Variants in SMURF1 observed in about 807,000 individuals in gnomAD.
SMURF1 encodes the protein E3 ubiquitin-protein ligase SMURF1.
A neutral mutation model predicts 98.0 loss-of-function variants in SMURF1; 44 were observed. The observed-to-expected ratio is 0.45, with a 90% CI of 0.35 to 0.58. The LOEUF (loss-of-function observed/expected upper bound fraction) is 0.58, where lower values mean the gene tolerates loss of function less well. Ranked by LOEUF, SMURF1 falls within the 20% of genes least tolerant of loss-of-function variation. SMURF1 has a pLI of 0.00. For missense variants in SMURF1, 687 were observed against 938.4 expected (o/e 0.73, Z 3.50); for synonymous variants, 396 against 374.9 (o/e 1.06, Z -0.65).
intron 12 of SMURF1, among the ~76,000 whole-genome samples, chr7:99,041,843 G>A (rs937692253): frequency 4.6e-5 from 7 of 152,198 alleles, no homozygotes; most frequent in African/African-American, 1.7e-4. Flanking sequence ...TCACACCAGA[G>A]TTCCCTCAAA....
chr7:99,052,163 CAG>C (rs1362415052), intron 7 of SMURF1, 40 bp downstream of exon 7: 16 of 1,461,802 alleles, frequency 1.1e-5, no homozygotes, highest in Non-Finnish European at 1.4e-5. Context: ...CTCATGGAAA[CAG>C]GGCAGATGGC....
At position 99,029,133 on chromosome 7, in the gene SMURF1, A is replaced by G. The variant is rs551455061; in HGVS notation, c.*1451T>C. The G allele has an allele frequency of 6.5e-6, 1 of 152,864 alleles. No homozygotes were observed. Among genetic ancestry groups the G allele is most frequent in the African/African-American group, 2.4e-5 (1 of 41,602 alleles). The allele number at this position is 152,864 out of a possible 1,614,324, so 9.5% of individuals were successfully genotyped here. ...AAAAGAACAGATAAAACCATTGTCCACAAGGTCCTTCCCAGGCCATCTCAG... is the reference window on the plus strand; with the variant it reads ...AAAAGAACAGATAAAACCATTGTCCGCAAGGTCCTTCCCAGGCCATCTCAG... On this transcript the variant is annotated 3_prime_UTR_variant, in exon 18 of 18. Coordinates refer to ENST00000361368, the MANE Select transcript of SMURF1 (RefSeq NM_181349.3).
At chr7:99,055,077 G>A (rs541853041) in intron 5 of SMURF1, among the ~76,000 whole-genome samples, 1 of 152,294 alleles carries the variant, frequency 6.6e-6, no homozygotes, top group East Asian at 1.9e-4. Context: ...TAAATGTGGT[G>A]AAGAAAAGGG....
chr7:99,061,124 G>C (rs140961523), intron 2 of SMURF1, among the ~76,000 whole-genome samples: 1 of 152,304 alleles, frequency 6.6e-6, no homozygotes, highest in East Asian at 1.9e-4. Context: ...TATTAGATCA[G>C]ACAGGTGGCA....
chr7:99,133,223 C>T (rs1377052184), intron 1 of SMURF1, among the ~76,000 whole-genome samples: 1 of 152,022 alleles, frequency 6.6e-6, no homozygotes, highest in Non-Finnish European at 1.5e-5. Context: ...ATTATTTTGC[C>T]CTTACTTTTT....
intron 1 of SMURF1, among the ~76,000 whole-genome samples, chr7:99,127,192 T>C (rs1022165013): frequency 5.3e-5 from 8 of 152,168 alleles, no homozygotes; most frequent in Non-Finnish European, 7.3e-5. Context: ...AGCACAGGGA[T>C]AGTCATTGCA....
chr7:99,103,104 C>T (rs762468365), intron 1 of SMURF1, among the ~76,000 whole-genome samples: 2 of 152,082 alleles, frequency 1.3e-5, no homozygotes, highest in Non-Finnish European at 2.9e-5. Context: ...CACCCGGTTA[C>T]AATCAATTTT....
At chr7:99,128,845 T>G (rs1323948601) in intron 1 of SMURF1, among the ~76,000 whole-genome samples, 1 of 152,228 alleles carries the variant, frequency 6.6e-6, no homozygotes, top group East Asian at 1.9e-4. Flanking sequence ...TGTCTCATAT[T>G]TTTTCTAAAT....
intron 1 of SMURF1, among the ~76,000 whole-genome samples, chr7:99,143,120 G>A (rs1798169447): frequency 6.7e-6 from 1 of 148,704 alleles, no homozygotes; most frequent in Admixed American, 6.7e-5. Flanking sequence ...GGAGAAGCGA[G>A]GGGGCGGGGA....
intron 1 of SMURF1, among the ~76,000 whole-genome samples, chr7:99,096,296 A>T (rs188321810): frequency 4.6e-5 from 7 of 152,394 alleles, no homozygotes; most frequent in Non-Finnish European, 1.0e-4. Context: ...AAGGCTAGTT[A>T]GAACAGAACA....
intron 1 of SMURF1, among the ~76,000 whole-genome samples, chr7:99,125,896 C>T (rs1797733960): frequency 6.6e-6 from 1 of 152,244 alleles, no homozygotes; most frequent in Non-Finnish European, 1.5e-5. Flanking sequence ...AGTGTCCTCT[C>T]TTCCCTCTAC....
chr7:99,071,133 C>A (rs1484602269), intron 1 of SMURF1, among the ~76,000 whole-genome samples: 1 of 150,870 alleles, frequency 6.6e-6, no homozygotes, highest in African/African-American at 2.4e-5. Context: ...GATCTCAGCT[C>A]GTTGCAAACT....
intron 17 of SMURF1, 59 bp downstream of exon 17, chr7:99,032,978 G>T: frequency 6.7e-7 from 1 of 1,485,936 alleles, no homozygotes; most frequent in Non-Finnish European, 9.2e-7. Flanking sequence ...AAAAAAACGT[G>T]AACGTCAGCA....
At chr7:99,046,926 G>C (rs1191033121) in intron 10 of SMURF1, among the ~76,000 whole-genome samples, 4 of 152,110 alleles carry the variant, frequency 2.6e-5, no homozygotes, top group African/African-American at 4.8e-5. Context: ...CTCGCGGTGG[G>C]GAAGGCGCTC....
At chr7:99,091,996 T>C (rs1796824472) in intron 1 of SMURF1, among the ~76,000 whole-genome samples, 2 of 152,224 alleles carry the variant, frequency 1.3e-5, no homozygotes, top group Admixed American at 6.5e-5. Flanking sequence ...GGTTTGGCTA[T>C]TTCCCAGATG....
chr7:99,060,806 A>G (rs986602271), intron 2 of SMURF1, 99 bp from the exon 3 acceptor site: 3 of 753,148 alleles, frequency 4.0e-6, no homozygotes, highest in South Asian at 2.2e-5. Flanking sequence ...GATAATTTCA[A>G]TCAGCAAAAT....
Position 99,035,624 on chromosome 7 carries a change from C to T in SMURF1, c.1902G>A (p.Arg634=). The T allele has an allele frequency of 1.2e-6, 2 of 1,614,274 alleles. No individual in the cohort carries two copies. Among genetic ancestry groups the T allele is most frequent in the African/African-American group, 2.7e-5 (2 of 75,082 alleles). Residue 634 remains arginine, a synonymous_variant, in exon 16 of 18, where the codon CGG becomes CGA. Coordinates refer to ENST00000361368, the MANE Select transcript of SMURF1 (RefSeq NM_181349.3). ...ACGTCTCCACCGCTTGCCAGAACCA[C>T]CGCACGATGTTGCTGTCGGCCACAC... ...KHCVADSNIV[R]WFWQAVETFD...
intron 1 of SMURF1, among the ~76,000 whole-genome samples, chr7:99,086,494 C>T (rs1796684618): frequency 6.6e-6 from 1 of 151,318 alleles, no homozygotes; most frequent in Admixed American, 6.6e-5. Context: ...CTTTGGAAAA[C>T]AAGTTGGCAG....
intron 1 of SMURF1, among the ~76,000 whole-genome samples, chr7:99,122,752 T>C (rs1445807421): frequency 4.5e-4 from 60 of 134,726 alleles, no homozygotes; most frequent in Middle Eastern, 4.0e-3. Context: ...TTTCTTTTTT[T>C]TTTTTTTTTT....
Sources: allele counts gnomAD v4.1 joint callset (sites outside exome capture counted in the v4.1 genomes callset), GRCh38; gene constraint gnomAD v4.1.1; transcripts MANE v1.5; gene names NCBI Gene and HGNC (gene_info 2026-07-23, HGNC 2026-07-21).